Variants in HNRNPU observed in about 807,000 individuals in gnomAD.
HNRNPU encodes the protein heterogeneous nuclear ribonucleoprotein U.
In HNRNPU, 5 loss-of-function variants were observed where a neutral mutation model predicts 94.7. That is an observed-to-expected ratio of 0.05 (90% CI 0.03 to 0.11). HNRNPU has a LOEUF of 0.11. Ranked by LOEUF, HNRNPU falls within the 10% of genes least tolerant of loss-of-function variation. The pLI is 1.00. For synonymous variants in HNRNPU, 434 were observed against 381.6 expected, an observed-to-expected ratio of 1.14 and a Z score of -1.60; for missense variants, 710 against 1,049.2, an observed-to-expected ratio of 0.68 and a Z score of 4.47.
intron 3 of HNRNPU, chr1:244,861,717 C>CTTT (rs1222091993): frequency 5.7e-5 from 8 of 140,300 alleles, no homozygotes; most frequent in African/African-American, 1.9e-4. Context: ...ATTCTCATCA[C>CTTT]TAAACCAACT....
chr1:244,854,771 A>T (rs1573328492), intron 13 of HNRNPU: 7 of 502,970 alleles, frequency 1.4e-5, no homozygotes, highest in South Asian at 3.9e-5. Flanking sequence ...TTACTTTATT[A>T]AAAAAATTTA....
At chr1:244,854,787 T>C (rs186261716) in intron 13 of HNRNPU, 186 bp downstream of exon 13, 23 of 516,750 alleles carry the variant, frequency 4.5e-5, no homozygotes, top group Admixed American at 1.8e-4. Context: ...ATTTAACTTA[T>C]AGCAATCTTC....
chr1:244,857,531 ACCAC>A, intron 8 of HNRNPU, 63 bp downstream of exon 8: 1 of 1,511,164 alleles, frequency 6.6e-7, no homozygotes, highest in East Asian at 2.3e-5. Context: ...ACAGGCGTGA[ACCAC>A]CATGCCCAGC....
At chr1:244,862,832 A>C in intron 1 of HNRNPU, 102 bp from the exon 2 acceptor site, 4 of 808,494 alleles carry the variant, frequency 4.9e-6, no homozygotes, top group Non-Finnish European at 6.5e-6. Context: ...CTGCTTTTTA[A>C]CTGAGGTTTT....
chr1:244,858,839 C>T lies in HNRNPU; in HGVS notation c.1120G>A (p.Glu374Lys). ...SLTTSGMLLG[E>K]EEFSYGYSLK... ...GAATACCCATAAGAAAATTCTTCTT[C>T]ACCTAAGAAAATAATTAATCTTCAT... is the stretch of plus-strand genomic sequence containing the variant. Residue 374 changes from glutamate (E) to lysine (K), a missense_variant and splice_region_variant, in exon 6 of 14, where the codon GAA (glutamate) becomes AAA (lysine). By Grantham distance (56) the Glu-to-Lys change is moderately conservative. This residue lies in a region of HNRNPU where 150 missense variants were observed against 187.9 expected (regional missense o/e 0.80). Coordinates refer to ENST00000640218, the MANE Select transcript of HNRNPU (RefSeq NM_031844.3). 1 of 1,370,520 alleles carries T rather than the reference C, an allele frequency of 7.3e-7. No homozygotes were observed. Among genetic ancestry groups the T allele is most frequent in the Non-Finnish European group, 1.0e-6 (1 of 962,380 alleles). 84.9% of individuals were successfully genotyped at this position (1,370,520 alleles called of 1,614,324 possible). A position where few individuals can be genotyped will look rare whatever the true frequency, so the allele number is the denominator to read the frequency against.
chr1:244,859,616 T>C lies in HNRNPU; in HGVS notation c.1018-242A>G, dbSNP rs1404351930. ...GAATACTTAATATTTTTAAAGTTCA[T>C]GTTGTCAGTCTTTAACTTAAAGCCA... is the stretch of plus-strand genomic sequence containing the variant. On this transcript the variant is annotated intron_variant, in intron 4 of 13. Transcript: ENST00000640218. The C allele has an allele frequency of 3.3e-5, 10 of 304,880 alleles. No individual in the cohort carries two copies. In the East Asian group the frequency reaches 5.4e-4, roughly 17 times the overall value. 18.9% of individuals were successfully genotyped at this position (304,880 alleles called of 1,614,324 possible).
Position 244,863,733 on chromosome 1 carries a change from G to C in HNRNPU, c.575C>G (p.Ser192Trp), listed in dbSNP as rs1333692140. Reference protein sequence around the residue: ...EAAGKSSGPTSLFAVTVAPPG... With the variant: ...EAAGKSSGPTWLFAVTVAPPG... ...CGGCGCCACCGTCACCGCGAACAGC[G>C]AGGTGGGGCCGCTGCTCTTCCCCGC... The change falls in exon 1 of 14, where the codon TCG (serine) becomes TGG (tryptophan). Residue 192 changes from serine (S) to tryptophan (W), a missense_variant. Physicochemically the swap from Ser to Trp is radical, Grantham distance 177. Transcript: ENST00000640218. The C allele has an allele frequency of 1.9e-6, 3 of 1,570,716 alleles. No homozygotes were observed. The highest frequency in any genetic ancestry group is 2.6e-6 in the Non-Finnish European group (3 of 1,164,182).
chr1:244,854,791 A>G (rs566110009), intron 13 of HNRNPU, 182 bp downstream of exon 13: 1 of 519,044 alleles, frequency 1.9e-6, no homozygotes, highest in East Asian at 3.0e-5. Flanking sequence ...AACTTATAGC[A>G]ATCTTCAACC....
rs548106828 is a variant in HNRNPU at position 244,850,879 on chromosome 1, G to A, written c.*3571C>T. ...TGTTAGGTGGGAAGAAATGGCTTCA[G>A]ATGCAGTATTGTGTTCATCTTTCCA... On this transcript the variant is annotated 3_prime_UTR_variant, in exon 14 of 14. Transcript: ENST00000640218. 6.6e-6 allele frequency: 1 copy of A among 152,344 alleles called. No homozygotes were observed. The highest frequency in any genetic ancestry group is 2.4e-5 in the African/African-American group (1 of 41,596). The allele number at this position is 152,344 out of a possible 1,614,324, so 9.4% of individuals were successfully genotyped here. A position where few individuals can be genotyped will look rare whatever the true frequency, so the allele number is the denominator to read the frequency against.
At position 244,863,918 on chromosome 1, in the gene HNRNPU, G is replaced by A. The variant is rs200754123; in HGVS notation, c.390C>T (p.Asp130=). 2.5e-6 allele frequency: 4 copies of A among 1,613,904 alleles called. No homozygotes were observed. The East Asian group carries it at 8.9e-5, about 36-fold the overall frequency. ...GGAAACCCTGATCGTCGCCGTTCTC[G>A]TCTTCCGAGGCGGCCTCCTCCTCCT... ...PMEEEEAASE[D]ENGDDQGFQE... The change falls in exon 1 of 14, where the codon GAC becomes GAT. Residue 130 remains aspartate, a synonymous_variant. Transcript: ENST00000640218.
rs1039056693 is a variant in HNRNPU, at chr1:244,850,602, G to C, written c.*3848C>G. 12 of 152,038 alleles carry C rather than the reference G, an allele frequency of 7.9e-5. No individual in the cohort carries two copies. The highest frequency in any genetic ancestry group is 1.3e-4 in the Admixed American group (2 of 15,242). 9.4% of individuals were successfully genotyped at this position (152,038 alleles called of 1,614,324 possible). A position where few individuals can be genotyped will look rare whatever the true frequency, so the allele number is the denominator to read the frequency against. Reference sequence around the variant, plus strand: ...ATTAGTAATTCAAATTACTGTTTTAGAGATCTCAGGTAGTTAACCAATTCT... The same window carrying C: ...ATTAGTAATTCAAATTACTGTTTTACAGATCTCAGGTAGTTAACCAATTCT... On this transcript the variant is annotated 3_prime_UTR_variant, in exon 14 of 14. Coordinates refer to ENST00000640218, the MANE Select transcript of HNRNPU (RefSeq NM_031844.3).
chr1:244,855,257 A>C, intron 12 of HNRNPU, 167 bp downstream of exon 12: 1 of 783,032 alleles, frequency 1.3e-6, no homozygotes, highest in Non-Finnish European at 2.1e-6. Flanking sequence ...ACACCTGAAA[A>C]AACTCAAAAG....
rs1278714852 is a variant in HNRNPU, at chr1:244,856,085, G to A, written c.1986C>T (p.Ala662=). The change falls in exon 11 of 14, where the codon GCC becomes GCT. Residue 662 remains alanine, a synonymous_variant. Transcript: ENST00000640218. The stretch of plus-strand genomic sequence containing the variant: ...CCTTATATTGCTCCAAGAGTTTTTG[G>A]GCTTCTTCCTTCTGAAGTTCAACAT... ...ITYVELQKEE[A]QKLLEQYKEE... 1 of 1,613,720 alleles carries A rather than the reference G, an allele frequency of 6.2e-7. No homozygotes were observed. Among genetic ancestry groups the A allele is most frequent in the Non-Finnish European group, 8.5e-7 (1 of 1,179,912 alleles).
In HNRNPU at chr1:244,863,603, A is replaced by C. The variant is rs1249652847; in HGVS notation, c.691+14T>G. 7.5e-6 allele frequency: 11 copies of C among 1,462,852 alleles called. No homozygotes were observed. The South Asian group carries it at 1.6e-4, about 21-fold the overall frequency. The allele number at this position is 1,462,852 out of a possible 1,614,324, so 90.6% of individuals were successfully genotyped here. On this transcript the variant is annotated intron_variant, in intron 1 of 13. Transcript: ENST00000640218. Reference sequence around the variant, plus strand: ...GGGCCTCCCGCCGCGCGCAACGTACAACGCAGCACTCACCCGCCGCCGGAG... The same window carrying C: ...GGGCCTCCCGCCGCGCGCAACGTACCACGCAGCACTCACCCGCCGCCGGAG...
At position 244,851,690 on chromosome 1, in the gene HNRNPU, G is replaced by A. The variant is rs559973295; in HGVS notation, c.*2760C>T. ...TTTATGTATTTAAGAGTTTCCTCTTGTCATTTCAATGTCAAATTGATTTGA... is the reference window on the plus strand; with the variant it reads ...TTTATGTATTTAAGAGTTTCCTCTTATCATTTCAATGTCAAATTGATTTGA... On this transcript the variant is annotated 3_prime_UTR_variant, in exon 14 of 14. Transcript: ENST00000640218. The A allele has an allele frequency of 6.6e-6, 1 of 152,212 alleles. No homozygotes were observed. The highest frequency in any genetic ancestry group is 2.1e-4 in the South Asian group (1 of 4,822). 9.4% of individuals were successfully genotyped at this position (152,212 alleles called of 1,614,324 possible). A position where few individuals can be genotyped will look rare whatever the true frequency, so the allele number is the denominator to read the frequency against.
intron 4 of HNRNPU, chr1:244,859,694 A>C (rs549950462): frequency 2.2e-5 from 4 of 183,270 alleles, no homozygotes; most frequent in African/African-American, 9.4e-5. Context: ...TAATGTAACC[A>C]AATTTTATTT....
chr1:244,856,545 T>C lies in HNRNPU; in HGVS notation c.1824A>G (p.Pro608=). ...GFQRKAVVVC[P]KDEDYKQRTQ... ...TTCTTTGCTTATAGTCTTCATCTTT[T>C]GGGCAAACTACAACAGCTTTTCGCT... The change falls in exon 10 of 14, where the codon CCA becomes CCG. Residue 608 remains proline, a synonymous_variant. Transcript: ENST00000640218. The C allele has an allele frequency of 6.2e-7, 1 of 1,614,156 alleles. No homozygotes were observed.
intron 12 of HNRNPU, 112 bp downstream of exon 12, chr1:244,855,312 C>T: frequency 2.8e-6 from 3 of 1,060,806 alleles, no homozygotes; most frequent in Non-Finnish European, 4.2e-6. Context: ...TTCCTTATGT[C>T]AATGCCTATC....
At chr1:244,859,981 G>A (rs1283200516) in intron 4 of HNRNPU, 1 of 186,002 alleles carries the variant, frequency 5.4e-6, no homozygotes, top group Non-Finnish European at 1.1e-5. Flanking sequence ...TGGGCAACAT[G>A]GTGAGACCTT....
Sources: allele counts gnomAD v4.1 joint callset, GRCh38; gene constraint gnomAD v4.1.1; regional missense constraint gnomAD v4.1.1; transcripts MANE v1.5; gene names NCBI Gene and HGNC (gene_info 2026-07-23, HGNC 2026-07-21).